The following MTHFD1L variants were observed in gnomAD, a reference collection of about 807,000 sequenced individuals.
The protein encoded by MTHFD1L is methylenetetrahydrofolate dehydrogenase (NADP+ dependent) 1 like.
A neutral mutation model predicts 119.5 loss-of-function variants in MTHFD1L; 81 were observed. The ratio of observed to expected loss-of-function variants is 0.68; its 90% CI spans 0.57 to 0.82. The LOEUF (loss-of-function observed/expected upper bound fraction) is 0.82. MTHFD1L is among the 40% of genes least tolerant of loss of function. MTHFD1L has a pLI of 0.00. For missense variants in MTHFD1L, 1,125 were observed against 1,253.4 expected (o/e 0.90, Z 1.55); for synonymous variants, 430 against 475.2 (o/e 0.90, Z 1.24).
intron 1 of MTHFD1L, chr6:150,866,361 G>A: frequency 1.4e-6 from 2 of 1,419,992 alleles, no homozygotes; most frequent in African/African-American, 1.5e-5. Context: ...CGGCTCTGAT[G>A]CAATCGCGCC....
Position 150,925,109 on chromosome 6 carries a change from G to A in MTHFD1L, c.1083-1013G>A, listed in dbSNP as rs1386527702. Reference sequence around the variant, plus strand: ...ATTACCTGCAGTAGCTACAGAAACAGTCAGGGCCAAGGGGCTGACTAAAGT... The same window carrying A: ...ATTACCTGCAGTAGCTACAGAAACAATCAGGGCCAAGGGGCTGACTAAAGT... On this transcript the variant is annotated intron_variant, in intron 10 of 27. Transcript: ENST00000367321. Among the ~76,000 whole-genome samples the A allele has an allele frequency of 2.6e-5, 4 of 152,198 alleles. No homozygotes were observed. The South Asian group carries it at 6.2e-4, about 24-fold the overall frequency.
At chr6:151,084,970 G>GAAAAA (rs3055594) in intron 26 of MTHFD1L, among the ~76,000 whole-genome samples, 13 of 120,150 alleles carry the variant, frequency 1.1e-4, no homozygotes, top group African/African-American at 4.4e-4. Context: ...CCATCTCAAA[G>GAAAAA]AAAAAAAAAA....
At chr6:151,044,597 G>A (rs1392727798) in intron 26 of MTHFD1L, among the ~76,000 whole-genome samples, 12 of 152,050 alleles carry the variant, frequency 7.9e-5, no homozygotes, top group Admixed American at 2.6e-4. Context: ...CACTGCGCCC[G>A]GCCAACTACA....
At chr6:151,008,916 A>AGACCAG (rs1781785720) in intron 20 of MTHFD1L, among the ~76,000 whole-genome samples, 1 of 151,834 alleles carries the variant, frequency 6.6e-6, no homozygotes, top group East Asian at 1.9e-4. Context: ...CAGGACTTTG[A>AGACCAG]GACCAGCCTG....
intron 20 of MTHFD1L, among the ~76,000 whole-genome samples, chr6:150,992,671 G>T (rs1779207582): frequency 6.6e-6 from 1 of 152,212 alleles, no homozygotes; most frequent in Non-Finnish European, 1.5e-5. Context: ...ACTAAATCTG[G>T]ATGTCAATGG....
At chr6:151,021,372 AC>A (rs1783922670) in intron 24 of MTHFD1L, among the ~76,000 whole-genome samples, 1 of 152,038 alleles carries the variant, frequency 6.6e-6, no homozygotes, top group Non-Finnish European at 1.5e-5. Context: ...ACATGGTGAA[AC>A]CCCATCTCTA....
At chr6:151,052,393 G>A (rs1433354474) in intron 26 of MTHFD1L, among the ~76,000 whole-genome samples, 1 of 152,212 alleles carries the variant, frequency 6.6e-6, no homozygotes, top group Non-Finnish European at 1.5e-5. Context: ...TGTCCTGGAA[G>A]CTTAGTGTTG....
intron 21 of MTHFD1L, among the ~76,000 whole-genome samples, chr6:151,013,253 A>T (rs554058323): frequency 1.3e-5 from 2 of 152,196 alleles, no homozygotes; most frequent in African/African-American, 4.8e-5. Flanking sequence ...GGTGGTACAC[A>T]CCTGTATTCC....
chr6:151,042,849 T>G (rs1787338214), intron 26 of MTHFD1L, among the ~76,000 whole-genome samples: 1 of 152,180 alleles, frequency 6.6e-6, no homozygotes, highest in Admixed American at 6.5e-5. Context: ...ATTACTACAT[T>G]GGGCGTATAT....
At chr6:151,015,104 C>A (rs1584138413) in intron 23 of MTHFD1L, 124 bp downstream of exon 23, 1 of 698,310 alleles carries the variant, frequency 1.4e-6, no homozygotes, top group Non-Finnish European at 2.3e-6. Context: ...ATACCCAGTT[C>A]TTTCTGTTTG....
At chr6:150,923,533 A>ATTTATTTATTTATTTT (rs1411950846) in intron 10 of MTHFD1L, among the ~76,000 whole-genome samples, 3 of 100,712 alleles carry the variant, frequency 3.0e-5, no homozygotes, top group Admixed American at 9.8e-5. Flanking sequence ...TTATTTATTT[A>ATTTATTTATTTATTTT]TTTATTTTTT....
At chr6:151,063,034 A>T (rs1584371233) in intron 26 of MTHFD1L, among the ~76,000 whole-genome samples, 1 of 144,656 alleles carries the variant, frequency 6.9e-6, no homozygotes, top group African/African-American at 2.7e-5. Context: ...AAAGTACAAT[A>T]AAAAAAAAAA....
At chr6:151,073,503 AT>A (rs1261457566) in intron 26 of MTHFD1L, among the ~76,000 whole-genome samples, 1 of 152,206 alleles carries the variant, frequency 6.6e-6, no homozygotes, top group Non-Finnish European at 1.5e-5. Flanking sequence ...AGAAAAGTCA[AT>A]CAAAACTAAC....
chr6:150,871,859 TATTTTATTTTAATTTA>T (rs1779587121), intron 1 of MTHFD1L, among the ~76,000 whole-genome samples: 2 of 150,676 alleles, frequency 1.3e-5, no homozygotes, highest in Admixed American at 6.6e-5. Flanking sequence ...AATTTTATTT[TATTTTATTTTAATTTA>T]ATTTTATTTT....
chr6:151,027,303 C>T (rs1784734453), intron 24 of MTHFD1L, among the ~76,000 whole-genome samples: 1 of 152,122 alleles, frequency 6.6e-6, no homozygotes, highest in South Asian at 2.1e-4. Context: ...GTCTCATTGT[C>T]CCCAATCCAT....
chr6:150,884,314 G>T (rs1781862404), intron 5 of MTHFD1L, among the ~76,000 whole-genome samples: 1 of 151,666 alleles, frequency 6.6e-6, no homozygotes, highest in African/African-American at 2.4e-5. Context: ...GCTAATTTTT[G>T]TACTTTTAGT....
intron 26 of MTHFD1L, among the ~76,000 whole-genome samples, chr6:151,086,135 C>T (rs1371223149): frequency 6.6e-6 from 1 of 152,108 alleles, no homozygotes; most frequent in African/African-American, 2.4e-5. Context: ...GCATCCCTGC[C>T]GACCAGGAAT....
chr6:150,942,069 G>C (rs1793218036), intron 13 of MTHFD1L, among the ~76,000 whole-genome samples: 1 of 152,006 alleles, frequency 6.6e-6, no homozygotes, highest in African/African-American at 2.4e-5. Context: ...GACCAGCCTG[G>C]CCAACATGGG....
Position 151,013,787 on chromosome 6 carries a change from T to C in MTHFD1L, c.2274T>C (p.Ala758=). 5 of 1,612,544 alleles carry C rather than the reference T, an allele frequency of 3.1e-6. No individual in the cohort carries two copies. The highest frequency in any genetic ancestry group is 4.2e-6 in the Non-Finnish European group (5 of 1,178,884). The change falls in exon 22 of 28, where the codon GCT becomes GCC. Residue 758 remains alanine, a synonymous_variant. Coordinates refer to ENST00000367321, the MANE Select transcript of MTHFD1L (RefSeq NM_015440.5). The stretch of plus-strand genomic sequence containing the variant: ...TTCTCTCCTTATTTCAGGTAACGGC[T>C]GGTGTTCCTCTTAAGAAAGAATATA... ...KMHGGGPSVT[A]GVPLKKEYTE...
Sources: gnomAD v4.1 joint callset for allele counts (sites outside exome capture counted in the v4.1 genomes callset) on GRCh38, gnomAD v4.1.1 for gene constraint, MANE v1.5 for transcripts, NCBI Gene and HGNC (gene_info 2026-07-23, HGNC 2026-07-21) for gene names.